Variants in ADAMTS6 observed in about 807,000 individuals in gnomAD.
ADAMTS6 encodes the protein A disintegrin and metalloproteinase with thrombospondin motifs 6.
A neutral mutation model predicts 144.3 loss-of-function variants in ADAMTS6; 23 were observed. That is an observed-to-expected ratio of 0.16 (90% CI 0.11 to 0.23). The LOEUF (loss-of-function observed/expected upper bound fraction) is 0.23. Among genes scored for constraint, ADAMTS6 ranks in the 10% least tolerant of loss-of-function variants. The pLI is 1.00. For synonymous variants in ADAMTS6, 444 were observed against 457.5 expected, an observed-to-expected ratio of 0.97 and a Z score of 0.38; for missense variants, 999 against 1,379.6, an observed-to-expected ratio of 0.72 and a Z score of 4.37.
At chr5:65,380,931 G>T (rs947632951) in intron 7 of ADAMTS6, among the ~76,000 whole-genome samples, 1 of 152,116 alleles carries the variant, frequency 6.6e-6, no homozygotes, top group Admixed American at 6.5e-5. Context: ...AGTAACAGTT[G>T]TATAAGTATT....
chr5:65,319,309 G>A (rs1343920215), intron 9 of ADAMTS6, among the ~76,000 whole-genome samples: 2 of 152,004 alleles, frequency 1.3e-5, no homozygotes, highest in African/African-American at 2.4e-5. Context: ...TCTTAAAAAC[G>A]TTTTTAAATA....
intron 14 of ADAMTS6, chr5:65,251,590 T>G (rs1487924115): frequency 6.6e-6 from 1 of 152,202 alleles, no homozygotes; most frequent in African/African-American, 2.4e-5. Context: ...AATGTGTATA[T>G]CAAAGAAAGG....
intron 13 of ADAMTS6, 131 bp from the exon 14 acceptor site, chr5:65,260,794 A>G (rs1761133312): frequency 1.7e-6 from 1 of 594,592 alleles, no homozygotes; most frequent in Non-Finnish European, 2.8e-6. Flanking sequence ...TTTAATTATT[A>G]AAGTAATCAT....
In ADAMTS6 at chr5:65,151,263, A is replaced by C. The variant is rs1752126585; in HGVS notation, c.*573T>G. On this transcript the variant is annotated 3_prime_UTR_variant, in exon 25 of 25. Coordinates refer to ENST00000381055, the MANE Select transcript of ADAMTS6 (RefSeq NM_197941.4). ...AGGAAATTAAGTGGAATGAAGAAAA[A>C]TAATACAAACTTTCATTACTTTTGA... is the stretch of plus-strand genomic sequence containing the variant. 2.0e-5 allele frequency: 3 copies of C among 152,752 alleles called. No homozygotes were observed. Among genetic ancestry groups the C allele is most frequent in the African/African-American group, 7.2e-5 (3 of 41,468 alleles). The allele number at this position is 152,752 out of a possible 1,614,324, so 9.5% of individuals were successfully genotyped here.
intron 7 of ADAMTS6, among the ~76,000 whole-genome samples, chr5:65,391,451 CT>C (rs1271932479): frequency 2.8e-5 from 4 of 143,026 alleles, no homozygotes; most frequent in Non-Finnish European, 4.6e-5. Context: ...CACACACACA[CT>C]TTTTTTTCTC....
chr5:65,292,997 T>C (rs1488418153), intron 10 of ADAMTS6, among the ~76,000 whole-genome samples: 2 of 152,114 alleles, frequency 1.3e-5, no homozygotes, highest in Non-Finnish European at 2.9e-5. Context: ...TTTTAAATAA[T>C]GCTTTTTTGG....
At chr5:65,334,233 T>C (rs1293624779) in intron 7 of ADAMTS6, 148 bp from the exon 8 acceptor site, 3 of 849,028 alleles carry the variant, frequency 3.5e-6, no homozygotes, top group African/African-American at 1.8e-5. Context: ...TTCAGCACTC[T>C]ACAGTGCTGA....
At chr5:65,419,730 C>T (rs147520357) in intron 7 of ADAMTS6, among the ~76,000 whole-genome samples, 476 of 152,202 alleles carry the variant, frequency 3.1e-3, no homozygotes, top group African/African-American at 0.011. Context: ...AGAAAGAGGT[C>T]AAACACAAAA....
chr5:65,247,923 C>T (rs1290475033), intron 14 of ADAMTS6, among the ~76,000 whole-genome samples: 1 of 152,148 alleles, frequency 6.6e-6, no homozygotes, highest in Non-Finnish European at 1.5e-5. Context: ...AGGAAAACAA[C>T]ATATTCTTAG....
At chr5:65,180,284 A>G (rs905401230) in intron 22 of ADAMTS6, among the ~76,000 whole-genome samples, 3 of 152,210 alleles carry the variant, frequency 2.0e-5, no homozygotes, top group African/African-American at 7.2e-5. Flanking sequence ...ATTTCCTCCA[A>G]CTTAGAAAAG....
intron 20 of ADAMTS6, among the ~76,000 whole-genome samples, chr5:65,205,754 A>G (rs1456677202): frequency 6.6e-6 from 1 of 152,210 alleles, no homozygotes; most frequent in Non-Finnish European, 1.5e-5. Context: ...AGCTGTCAGG[A>G]AAGAAGTTGC....
intron 7 of ADAMTS6, among the ~76,000 whole-genome samples, chr5:65,356,461 T>C (rs1749334618): frequency 6.6e-6 from 1 of 151,814 alleles, no homozygotes; most frequent in South Asian, 2.1e-4. Flanking sequence ...TTCCCTCTTG[T>C]TTATCTCAAA....
chr5:65,320,126 A>T (rs1745460248), intron 9 of ADAMTS6, among the ~76,000 whole-genome samples: 1 of 152,244 alleles, frequency 6.6e-6, no homozygotes, highest in Non-Finnish European at 1.5e-5. Context: ...TACAGGCGTA[A>T]GCCATCGCGC....
Position 65,253,812 on chromosome 5 carries a change from C to CTTTT in ADAMTS6, c.1830+6784_1830+6787dup, listed in dbSNP as rs759508097. Among the ~76,000 whole-genome samples the CTTTT allele has an allele frequency of 3.0e-3, 200 of 67,002 alleles. 20 individuals carry two copies. The highest frequency in any genetic ancestry group is 3.3e-3 in the African/African-American group (51 of 15,390). 44.0% of individuals were successfully genotyped at this position (67,002 alleles called of 152,430 possible). A position where few individuals can be genotyped will look rare whatever the true frequency, so the allele number is the denominator to read the frequency against. On this transcript the variant is annotated intron_variant, in intron 14 of 24. Coordinates refer to ENST00000381055, the MANE Select transcript of ADAMTS6 (RefSeq NM_197941.4). ...TAAAGTCTTGCTTACAATATTCAAT[C>CTTTT]TTTTTTTTTTTTTTTTTTTTTTTTT... is the stretch of plus-strand genomic sequence containing the variant.
chr5:65,364,377 T>C (rs1707811632), intron 7 of ADAMTS6, among the ~76,000 whole-genome samples: 1 of 152,066 alleles, frequency 6.6e-6, no homozygotes, highest in South Asian at 2.1e-4. Flanking sequence ...AACAACTCTC[T>C]TTCAATATTC....
At chr5:65,342,395 A>T (rs1014245896) in intron 7 of ADAMTS6, among the ~76,000 whole-genome samples, 3 of 151,812 alleles carry the variant, frequency 2.0e-5, no homozygotes, top group Non-Finnish European at 4.4e-5. Context: ...ATCTCATGAG[A>T]CTTATTCACT....
At chr5:65,243,446 A>G (rs1759365346) in intron 14 of ADAMTS6, among the ~76,000 whole-genome samples, 1 of 152,132 alleles carries the variant, frequency 6.6e-6, no homozygotes, top group African/African-American at 2.4e-5. Context: ...AAAGCCTCAG[A>G]TTCTGAAAAT....
At chr5:65,300,268 A>G in intron 9 of ADAMTS6, 137 bp from the exon 10 acceptor site, 1 of 700,114 alleles carries the variant, frequency 1.4e-6, no homozygotes, top group South Asian at 2.1e-5. Context: ...CTCTAAAGAA[A>G]TTTAGGATTA....
chr5:65,307,622 G>T (rs1311815057), intron 9 of ADAMTS6, among the ~76,000 whole-genome samples: 1 of 152,142 alleles, frequency 6.6e-6, no homozygotes, highest in African/African-American at 2.4e-5. Flanking sequence ...GCTCCACTCT[G>T]CTCATGGGAT....
Sources: gnomAD v4.1 joint callset for allele counts (sites outside exome capture counted in the v4.1 genomes callset) on GRCh38, gnomAD v4.1.1 for gene constraint, MANE v1.5 for transcripts, NCBI Gene and HGNC (gene_info 2026-07-23, HGNC 2026-07-21) for gene names.